Variants in RPS6KA2 observed in about 807,000 individuals in gnomAD.
The protein encoded by RPS6KA2 is ribosomal protein S6 kinase alpha-2.
RPS6KA2 carries 42 observed loss-of-function variants against 91.8 expected under a neutral mutation model. The observed-to-expected ratio is 0.46, with a 90% CI of 0.36 to 0.59. RPS6KA2 has a LOEUF of 0.59. RPS6KA2 is among the 20% of genes least tolerant of loss of function. The pLI, the probability that RPS6KA2 is intolerant of heterozygous loss-of-function variation, is 0.00. For missense variants in RPS6KA2, 798 were observed against 978.5 expected, an observed-to-expected ratio of 0.82 and a Z score of 2.46; for synonymous variants, 414 against 393.6, an observed-to-expected ratio of 1.05 and a Z score of -0.61.
intron 2 of RPS6KA2, among the ~76,000 whole-genome samples, chr6:166,655,301 C>T (rs1252950625): frequency 2.6e-5 from 4 of 152,210 alleles, no homozygotes; most frequent in African/African-American, 9.7e-5. Context: ...AGGAAGAAAA[C>T]ACCAAGGACA....
intron 2 of RPS6KA2, among the ~76,000 whole-genome samples, chr6:166,645,569 T>C (rs920618615): frequency 5.9e-5 from 9 of 152,184 alleles, no homozygotes; most frequent in Non-Finnish European, 1.0e-4. Context: ...AGGTCTGCCC[T>C]GGTTCCTAGG....
intron 2 of RPS6KA2, among the ~76,000 whole-genome samples, chr6:166,853,817 C>T (rs554474033): frequency 1.3e-5 from 2 of 152,354 alleles, no homozygotes; most frequent in East Asian, 1.9e-4. Context: ...ACGGAGCTGT[C>T]GCCTCATGGA....
At chr6:166,785,721 T>C (rs1189244360) in intron 2 of RPS6KA2, among the ~76,000 whole-genome samples, 2 of 152,260 alleles carry the variant, frequency 1.3e-5, no homozygotes, top group East Asian at 3.8e-4. Context: ...CAAGCCCGTA[T>C]TCTTAAGCAC....
In RPS6KA2 at chr6:166,662,102, A is replaced by G. The variant is rs1161286806; in HGVS notation, c.124-123318T>C. 2.0e-5 allele frequency among the ~76,000 whole-genome samples: 3 copies of G among 152,256 alleles called. No homozygotes were observed. The highest frequency in any genetic ancestry group is 7.2e-5 in the African/African-American group (3 of 41,470). The stretch of plus-strand genomic sequence containing the variant: ...TGAGTAAAGATAGGGGTTGTTTATC[A>G]TATTATGAATATTTCTTAATTTTTA... On this transcript the variant is annotated intron_variant, in intron 2 of 21. Coordinates refer to the RPS6KA2 transcript ENST00000503859. The surrounding 1 kb of genome is among the most constrained non-coding windows in gnomAD (Gnocchi z 4.3).
chr6:166,740,973 G>A (rs1226768307), intron 2 of RPS6KA2, among the ~76,000 whole-genome samples: 3 of 152,236 alleles, frequency 2.0e-5, no homozygotes, highest in East Asian at 1.9e-4. Context: ...GGAAATGCGC[G>A]TATGTCACGA....
intron 2 of RPS6KA2, among the ~76,000 whole-genome samples, chr6:166,646,114 C>T (rs1195921948): frequency 6.6e-6 from 1 of 152,198 alleles, no homozygotes; most frequent in East Asian, 1.9e-4. Context: ...TTGCCATGGT[C>T]CCTGAGCACT....
chr6:166,698,304 G>A (rs1789411775), intron 2 of RPS6KA2, among the ~76,000 whole-genome samples: 1 of 152,162 alleles, frequency 6.6e-6, no homozygotes, highest in Admixed American at 6.5e-5. Flanking sequence ...GTCACAGGCA[G>A]GAATTTTAGG....
chr6:166,858,350 C>G (rs1780964039), intron 1 of RPS6KA2: 1 of 693,924 alleles, frequency 1.4e-6, no homozygotes, highest in African/African-American at 1.8e-5. Flanking sequence ...AAAGTACTAA[C>G]TAAATATCCC....
At chr6:166,469,104 C>T (rs1033630136) in intron 11 of RPS6KA2, among the ~76,000 whole-genome samples, 1 of 152,172 alleles carries the variant, frequency 6.6e-6, no homozygotes, top group Non-Finnish European at 1.5e-5. Context: ...GTTTTAGCCG[C>T]GAGAACTCCC....
At chr6:166,691,096 G>A (rs998531869) in intron 2 of RPS6KA2, among the ~76,000 whole-genome samples, 2 of 152,142 alleles carry the variant, frequency 1.3e-5, no homozygotes, top group Admixed American at 1.3e-4. Context: ...GAAGATTCAA[G>A]CGTTGCCAAC....
At chr6:166,600,420 T>C (rs996169992) in intron 1 of RPS6KA2, among the ~76,000 whole-genome samples, 1 of 152,230 alleles carries the variant, frequency 6.6e-6, no homozygotes, top group Non-Finnish European at 1.5e-5. Context: ...TTGTAGAAAC[T>C]CAATCAAGGC....
At chr6:166,841,174 G>T (rs1003009867) in intron 2 of RPS6KA2, among the ~76,000 whole-genome samples, 4 of 151,196 alleles carry the variant, frequency 2.6e-5, no homozygotes, top group Non-Finnish European at 5.9e-5. Context: ...GAGGCAGGAG[G>T]ATCAGCAGAG....
At chr6:166,514,355 C>T (rs1399796288) in intron 3 of RPS6KA2, among the ~76,000 whole-genome samples, 1 of 152,168 alleles carries the variant, frequency 6.6e-6, no homozygotes, top group Non-Finnish European at 1.5e-5. Context: ...GGTGACCAGT[C>T]CCACCTCTTG....
At chr6:166,518,483 A>G (rs1185320318) in intron 3 of RPS6KA2, among the ~76,000 whole-genome samples, 1 of 152,198 alleles carries the variant, frequency 6.6e-6, no homozygotes, top group Non-Finnish European at 1.5e-5. Flanking sequence ...CAAAAGCCAA[A>G]ATAAATACAA....
intron 2 of RPS6KA2, among the ~76,000 whole-genome samples, chr6:166,754,543 G>A (rs547152788): frequency 1.3e-5 from 2 of 152,296 alleles, no homozygotes; most frequent in East Asian, 3.9e-4. Context: ...GGGAGGATTA[G>A]GGCAGGAGGA....
At chr6:166,830,532 T>TA (rs1282900022) in intron 2 of RPS6KA2, among the ~76,000 whole-genome samples, 8 of 152,102 alleles carry the variant, frequency 5.3e-5, no homozygotes, top group Non-Finnish European at 1.0e-4. Context: ...TAATTTCTTT[T>TA]TAAAAAAAGC....
chr6:166,416,734 C>A (rs1778545069), intron 19 of RPS6KA2, among the ~76,000 whole-genome samples: 1 of 151,858 alleles, frequency 6.6e-6, no homozygotes, highest in South Asian at 2.1e-4. Flanking sequence ...CATCCCTCCA[C>A]AATCACCTCC....
intron 2 of RPS6KA2, among the ~76,000 whole-genome samples, chr6:166,769,603 C>T (rs998452183): frequency 6.6e-6 from 1 of 152,200 alleles, no homozygotes; most frequent in Non-Finnish European, 1.5e-5. Flanking sequence ...ACAAGTTCCA[C>T]GTCCAATAAG....
intron 2 of RPS6KA2, among the ~76,000 whole-genome samples, chr6:166,797,188 C>A (rs947416906): frequency 5.9e-5 from 9 of 152,200 alleles, no homozygotes; most frequent in Non-Finnish European, 1.3e-4. Context: ...AGGCACTCTG[C>A]GTCCCAGGGA....
Sources: allele counts gnomAD v4.1 joint callset (sites outside exome capture counted in the v4.1 genomes callset), GRCh38; gene constraint gnomAD v4.1.1; non-coding constraint Gnocchi (gnomAD v3.1); transcripts MANE v1.5; gene names NCBI Gene and HGNC (gene_info 2026-07-23, HGNC 2026-07-21).